The following MACROD2 variants were observed in gnomAD, a reference collection of about 807,000 sequenced individuals.
MACROD2 encodes ADP-ribose glycohydrolase MACROD2.
Under a neutral mutation model 70.4 loss-of-function variants are expected in MACROD2, and 36 were observed. The observed-to-expected ratio is 0.51, with a 90% CI of 0.39 to 0.68. MACROD2 has a LOEUF of 0.68. Ranked by LOEUF, MACROD2 falls within the 30% of genes least tolerant of loss-of-function variation. MACROD2 has a pLI of 0.00. For missense variants in MACROD2, 496 were observed against 538.4 expected (o/e 0.92, Z 0.78); for synonymous variants, 172 against 178.8 (o/e 0.96, Z 0.30).
intron 7 of MACROD2, among the ~76,000 whole-genome samples, chr20:15,435,476 A>G (rs1311710801): frequency 6.6e-6 from 1 of 152,102 alleles, no homozygotes; most frequent in Non-Finnish European, 1.5e-5. Flanking sequence ...TTCTAAAGTG[A>G]TTGAATCAAT....
intron 4 of MACROD2, among the ~76,000 whole-genome samples, chr20:14,517,713 T>C (rs1448848810): frequency 6.6e-6 from 1 of 152,156 alleles, no homozygotes; most frequent in Admixed American, 6.5e-5. Context: ...ATGTATTGTA[T>C]ATAGGATGAG....
intron 8 of MACROD2, among the ~76,000 whole-genome samples, chr20:15,664,272 A>T (rs941410894): frequency 6.6e-6 from 1 of 152,228 alleles, no homozygotes; most frequent in Non-Finnish European, 1.5e-5. Flanking sequence ...ATTTGGGAAG[A>T]ATTGAACCAC....
chr20:14,028,036 C>A (rs769217883), intron 2 of MACROD2, among the ~76,000 whole-genome samples: 3 of 152,204 alleles, frequency 2.0e-5, no homozygotes, highest in Admixed American at 1.3e-4. Flanking sequence ...CCCAGGTACT[C>A]TATCCCAGGG....
At chr20:15,638,914 C>T (rs1237676774) in intron 8 of MACROD2, among the ~76,000 whole-genome samples, 5 of 152,102 alleles carry the variant, frequency 3.3e-5, no homozygotes, top group Non-Finnish European at 7.4e-5. Flanking sequence ...TATTCAGGTC[C>T]GCAGGGTGTG....
intron 8 of MACROD2, among the ~76,000 whole-genome samples, chr20:15,669,180 A>G (rs1331226424): frequency 6.6e-6 from 1 of 152,240 alleles, no homozygotes; most frequent in Non-Finnish European, 1.5e-5. Context: ...AAGGAAACAC[A>G]TTGTACACGG....
intron 4 of MACROD2, among the ~76,000 whole-genome samples, chr20:14,680,841 T>C (rs1359104203): frequency 1.3e-5 from 2 of 151,800 alleles, no homozygotes; most frequent in Middle Eastern, 3.2e-3. Context: ...TCAGGAGTCA[T>C]AGGAAAACAG....
At chr20:15,586,805 A>G (rs1377029643) in intron 8 of MACROD2, among the ~76,000 whole-genome samples, 1 of 152,214 alleles carries the variant, frequency 6.6e-6, no homozygotes, top group Admixed American at 6.5e-5. Flanking sequence ...CAATAAACAA[A>G]GAGAATATAT....
At chr20:14,846,300 T>G (rs1303288904) in intron 5 of MACROD2, among the ~76,000 whole-genome samples, 2 of 151,988 alleles carry the variant, frequency 1.3e-5, no homozygotes, top group Non-Finnish European at 2.9e-5. Context: ...CTCGGCTCAC[T>G]GCAACCTCCA....
rs148482859 is a variant in MACROD2 at position 15,506,625 on chromosome 20, A to G, written c.645+6778A>G. Reference sequence around the variant, plus strand: ...GTGGGGCCTGCCTTATGTCTCTGACATGAAACGCCTTAGGATCTTTGTGAT... The same window carrying G: ...GTGGGGCCTGCCTTATGTCTCTGACGTGAAACGCCTTAGGATCTTTGTGAT... On this transcript the variant is annotated intron_variant, in intron 8 of 17. Coordinates refer to ENST00000684519, the MANE Select transcript of MACROD2 (RefSeq NM_001351661.2). Among the ~76,000 whole-genome samples, 830 of 152,364 alleles carry G rather than the reference A, an allele frequency of 5.4e-3. 4 individuals carry two copies. Among genetic ancestry groups the G allele is most frequent in the South Asian group, 0.021 (103 of 4,830 alleles).
chr20:14,934,949 C>T (rs1335201817), intron 5 of MACROD2: 1 of 152,112 alleles, frequency 6.6e-6, no homozygotes, highest in Admixed American at 6.6e-5. Context: ...TCTCTTTTCT[C>T]TTCCTCCACT....
intron 5 of MACROD2, among the ~76,000 whole-genome samples, chr20:14,751,601 C>T (rs1319534127): frequency 6.6e-6 from 1 of 152,068 alleles, no homozygotes; most frequent in Non-Finnish European, 1.5e-5. Context: ...AGTTCTTGTA[C>T]CTGTGAGTTC....
intron 10 of MACROD2, among the ~76,000 whole-genome samples, chr20:15,906,189 T>TG (rs2065144157): frequency 1.3e-5 from 2 of 152,230 alleles, no homozygotes; most frequent in African/African-American, 4.8e-5. Flanking sequence ...CTGCCACCCT[T>TG]GGGAGAACCT....
intron 8 of MACROD2, among the ~76,000 whole-genome samples, chr20:15,744,233 G>A (rs1391774551): frequency 6.6e-6 from 1 of 152,110 alleles, no homozygotes; most frequent in Non-Finnish European, 1.5e-5. Flanking sequence ...GACTAAAATA[G>A]CCAAGAAATG....
chr20:14,890,598 A>G (rs2122505766), intron 5 of MACROD2, among the ~76,000 whole-genome samples: 1 of 151,896 alleles, frequency 6.6e-6, no homozygotes, highest in Non-Finnish European at 1.5e-5. Context: ...TGAGACCCCC[A>G]TCTCTATTTA....
chr20:15,771,311 A>T (rs922398381), intron 8 of MACROD2, among the ~76,000 whole-genome samples: 1 of 151,768 alleles, frequency 6.6e-6, no homozygotes, highest in African/African-American at 2.4e-5. Flanking sequence ...GGTAGCTGGG[A>T]CTATAGGCAC....
At chr20:15,524,006 G>C (rs73897650) in intron 8 of MACROD2, among the ~76,000 whole-genome samples, 2,515 of 152,258 alleles carry the variant, frequency 0.017, 70 homozygotes, top group African/African-American at 0.057. Context: ...GGTAGTAAAT[G>C]TCCCTGCTGT....
At chr20:15,075,664 G>C (rs564066177) in intron 5 of MACROD2, among the ~76,000 whole-genome samples, 1 of 152,086 alleles carries the variant, frequency 6.6e-6, no homozygotes, top group Non-Finnish European at 1.5e-5. Context: ...CATTTTCCCA[G>C]TTGCCCTGAG....
At chr20:15,254,131 T>C (rs2077178557) in intron 6 of MACROD2, among the ~76,000 whole-genome samples, 1 of 152,190 alleles carries the variant, frequency 6.6e-6, no homozygotes, top group African/African-American at 2.4e-5. Flanking sequence ...AACGAGTTTA[T>C]TAGTGAAACT....
chr20:14,681,248 A>G (rs2070928424), intron 4 of MACROD2, among the ~76,000 whole-genome samples: 1 of 152,180 alleles, frequency 6.6e-6, no homozygotes, highest in African/African-American at 2.4e-5. Context: ...TTACCTAGTA[A>G]TTTCACTCAA....
Sources: gnomAD v4.1 joint callset for allele counts (sites outside exome capture counted in the v4.1 genomes callset) on GRCh38, gnomAD v4.1.1 for gene constraint, MANE v1.5 for transcripts, NCBI Gene and HGNC (gene_info 2026-07-23, HGNC 2026-07-21) for gene names.